CDH18: variants seen among roughly 807,000 people sequenced by gnomAD.
CDH18 encodes the protein cadherin-18.
CDH18 carries 31 observed loss-of-function variants against 67.9 expected under a neutral mutation model. The observed-to-expected ratio is 0.46, with a 90% CI of 0.34 to 0.62. CDH18 has a LOEUF of 0.62. Among genes scored for constraint, CDH18 ranks in the 20% least tolerant of loss-of-function variants. The pLI is 0.01. For missense variants in CDH18, 890 were observed against 975.5 expected, an observed-to-expected ratio of 0.91 and a Z score of 1.17; for synonymous variants, 362 against 347.2, an observed-to-expected ratio of 1.04 and a Z score of -0.48.
At chr5:20,078,239 A>G (rs919533133) in intron 2 of CDH18, among the ~76,000 whole-genome samples, 8 of 152,124 alleles carry the variant, frequency 5.3e-5, no homozygotes, top group African/African-American at 1.9e-4. Flanking sequence ...AGGCAGGCAG[A>G]TTGCCTGAGG....
intron 5 of CDH18, among the ~76,000 whole-genome samples, chr5:19,630,294 C>T (rs982429303): frequency 6.6e-6 from 1 of 152,128 alleles, no homozygotes; most frequent in Non-Finnish European, 1.5e-5. Context: ...AGATATCCAT[C>T]CTTATCCCCC....
intron 2 of CDH18, among the ~76,000 whole-genome samples, chr5:19,946,978 A>T (rs1402274777): frequency 6.6e-6 from 1 of 152,158 alleles, no homozygotes; most frequent in Non-Finnish European, 1.5e-5. Context: ...ATAAAGAAAA[A>T]AATTATTTAC....
intron 6 of CDH18, among the ~76,000 whole-genome samples, chr5:19,602,112 G>C (rs1276664890): frequency 2.0e-5 from 3 of 151,882 alleles, no homozygotes; most frequent in African/African-American, 4.8e-5. Context: ...AATAAGGCAA[G>C]AAAAAGAAAT....
chr5:20,277,664 T>C (rs1745909217), intron 1 of CDH18, among the ~76,000 whole-genome samples: 2 of 152,016 alleles, frequency 1.3e-5, no homozygotes, highest in African/African-American at 2.4e-5. Context: ...ACCTCACTAA[T>C]AAATAAGGCA....
At chr5:20,206,326 G>A (rs1739885923) in intron 2 of CDH18, among the ~76,000 whole-genome samples, 2 of 151,858 alleles carry the variant, frequency 1.3e-5, no homozygotes, top group African/African-American at 4.8e-5. Context: ...AATGAGTAGT[G>A]AGACTGATGC....
rs529153258 is a variant in CDH18 at position 19,980,059 on chromosome 5, T to TA, written c.-257+1000dup. ...ATATGATTGTTTACCTAGAAAACCT[T>TA]AAAGACTACTCCAGAAAGCTCCTAG... On this transcript the variant is annotated intron_variant, in intron 2 of 12. Coordinates refer to ENST00000382275, the MANE Select transcript of CDH18 (RefSeq NM_004934.5). Among the ~76,000 whole-genome samples, 569 of 152,204 alleles carry TA rather than the reference T, an allele frequency of 3.7e-3. 4 individuals carry two copies. The highest frequency in any genetic ancestry group is 6.5e-3 in the Non-Finnish European group (445 of 68,000).
At chr5:19,746,601 C>T (rs1208557413) in intron 4 of CDH18, among the ~76,000 whole-genome samples, 1 of 152,038 alleles carries the variant, frequency 6.6e-6, no homozygotes, top group Non-Finnish European at 1.5e-5. Context: ...ATTGAATGTG[C>T]TGGTATGTTC....
In CDH18 at chr5:20,242,634, GTA is replaced by G. The variant is rs143436887; in HGVS notation, c.-518+12808_-518+12809del. 6.2e-4 allele frequency among the ~76,000 whole-genome samples: 53 copies of G among 85,726 alleles called. 1 individual carries two copies. Among genetic ancestry groups the G allele is most frequent in the East Asian group, 3.7e-3 (12 of 3,270 alleles). The allele number at this position is 85,726 out of a possible 152,430, so 56.2% of individuals were successfully genotyped here. ...AAAATATATATATATATATATATAT[GTA>G]TATATATATATATATGTAAATGGAC... On this transcript the variant is annotated intron_variant, in intron 2 of 14. Transcript: ENST00000507958.
chr5:20,334,345 G>A (rs1739507000), intron 1 of CDH18, among the ~76,000 whole-genome samples: 1 of 151,054 alleles, frequency 6.6e-6, no homozygotes, highest in Non-Finnish European at 1.5e-5. Context: ...CACCGTGTTA[G>A]CCAGGATGGT....
chr5:19,736,384 A>C (rs1418034141), intron 4 of CDH18, among the ~76,000 whole-genome samples: 1 of 152,182 alleles, frequency 6.6e-6, no homozygotes, highest in Admixed American at 6.5e-5. Context: ...TCAAAAAAAT[A>C]TAAAATTATA....
chr5:19,695,411 C>T (rs1487547330), intron 5 of CDH18, among the ~76,000 whole-genome samples: 3 of 152,102 alleles, frequency 2.0e-5, no homozygotes, highest in Non-Finnish European at 4.4e-5. Context: ...CAACTTGCTA[C>T]CCAGAAAGGG....
At chr5:19,570,631 C>T (rs1331843483) in intron 8 of CDH18, among the ~76,000 whole-genome samples, 1 of 152,052 alleles carries the variant, frequency 6.6e-6, no homozygotes. Context: ...TTTCTAGAGA[C>T]AGGATTTCCA....
intron 2 of CDH18, among the ~76,000 whole-genome samples, chr5:20,148,319 G>T (rs1373413279): frequency 1.3e-5 from 2 of 151,874 alleles, no homozygotes; most frequent in African/African-American, 4.8e-5. Context: ...GGATGGTCTC[G>T]ATCTCCTGAC....
At chr5:19,880,153 A>G (rs1787476612) in intron 2 of CDH18, among the ~76,000 whole-genome samples, 1 of 151,956 alleles carries the variant, frequency 6.6e-6, no homozygotes, top group Admixed American at 6.6e-5. Context: ...ATGTACTTCT[A>G]TCTCTTTTCT....
intron 12 of CDH18, among the ~76,000 whole-genome samples, chr5:19,478,338 A>G (rs776395402): frequency 9.2e-5 from 14 of 152,128 alleles, no homozygotes; most frequent in Non-Finnish European, 1.8e-4. Flanking sequence ...TTGGCACTGA[A>G]TTTGGTAGAA....
chr5:20,292,843 C>T (rs756629100), intron 1 of CDH18, among the ~76,000 whole-genome samples: 2 of 152,166 alleles, frequency 1.3e-5, no homozygotes, highest in Non-Finnish European at 1.5e-5. Flanking sequence ...ACTCTTCTTA[C>T]AAGGACACCA....
chr5:20,296,386 T>G (rs994784427), intron 1 of CDH18, among the ~76,000 whole-genome samples: 1 of 151,346 alleles, frequency 6.6e-6, no homozygotes, highest in Non-Finnish European at 1.5e-5. Flanking sequence ...CTCAGCCTCC[T>G]GAGTAGCTGG....
intron 2 of CDH18, among the ~76,000 whole-genome samples, chr5:19,976,699 A>G (rs1798538540): frequency 6.6e-6 from 1 of 152,150 alleles, no homozygotes; most frequent in East Asian, 1.9e-4. Flanking sequence ...ATATTGTTAG[A>G]AATATAATGA....
intron 1 of CDH18, among the ~76,000 whole-genome samples, chr5:20,556,372 A>G (rs1232069635): frequency 1.3e-5 from 2 of 152,192 alleles, no homozygotes; most frequent in East Asian, 3.9e-4. Context: ...CAAGATGCCC[A>G]GAGTCAATCA....
Sources: allele counts gnomAD v4.1 joint callset (sites outside exome capture counted in the v4.1 genomes callset), GRCh38; gene constraint gnomAD v4.1.1; transcripts MANE v1.5; gene names NCBI Gene and HGNC (gene_info 2026-07-23, HGNC 2026-07-21).